Variants in KCNMB2 observed in about 807,000 individuals in gnomAD.
The protein encoded by KCNMB2 is potassium calcium-activated channel subfamily M regulatory beta subunit 2.
KCNMB2 carries 9 observed loss-of-function variants against 24.5 expected under a neutral mutation model. The observed-to-expected ratio is 0.37, with a 90% CI of 0.22 to 0.64. The LOEUF (loss-of-function observed/expected upper bound fraction) is 0.64, where lower values mean the gene tolerates loss of function less well. Ranked by LOEUF, KCNMB2 falls within the 30% of genes least tolerant of loss-of-function variation. KCNMB2 has a pLI of 0.63. For missense variants in KCNMB2, 226 were observed against 284.3 expected, an observed-to-expected ratio of 0.79 and a Z score of 1.47; for synonymous variants, 109 against 104.4, an observed-to-expected ratio of 1.04 and a Z score of -0.27.
chr3:178,680,810 G>A (rs778546207), intron 1 of KCNMB2, among the ~76,000 whole-genome samples: 16 of 152,142 alleles, frequency 1.1e-4, no homozygotes, highest in Non-Finnish European at 1.9e-4. Context: ...AGAAATTTTA[G>A]ACTTGGAGTC....
At chr3:178,729,691 T>C (rs1159736011) in intron 1 of KCNMB2, among the ~76,000 whole-genome samples, 1 of 152,204 alleles carries the variant, frequency 6.6e-6, no homozygotes, top group South Asian at 2.1e-4. Flanking sequence ...CCAGGCATAT[T>C]TTACACTTTG....
At chr3:178,709,376 C>T (rs1269120881) in intron 1 of KCNMB2, among the ~76,000 whole-genome samples, 1 of 152,176 alleles carries the variant, frequency 6.6e-6, no homozygotes, top group Non-Finnish European at 1.5e-5. Flanking sequence ...CTAGGGAAGT[C>T]TTGAATTAAA....
chr3:178,710,040 C>T (rs895463338), intron 1 of KCNMB2, among the ~76,000 whole-genome samples: 1 of 152,168 alleles, frequency 6.6e-6, no homozygotes, highest in African/African-American at 2.4e-5. Context: ...CTTCTCTGAA[C>T]TCTGAAGCTC....
chr3:178,685,471 G>A (rs1342311220), intron 1 of KCNMB2, among the ~76,000 whole-genome samples: 1 of 152,216 alleles, frequency 6.6e-6, no homozygotes, highest in Non-Finnish European at 1.5e-5. Context: ...ATGTTGGCCT[G>A]TGGGTGTTAG....
chr3:178,746,861 C>T (rs1239114617), intron 1 of KCNMB2: 2 of 152,494 alleles, frequency 1.3e-5, no homozygotes, highest in Non-Finnish European at 1.5e-5. Context: ...CCACCTCAGC[C>T]TGGACCTTAT....
At position 178,571,737 on chromosome 3, in the gene KCNMB2, C is replaced by T. The variant is rs111757164; in HGVS notation, c.-68+35026C>T. On this transcript the variant is annotated intron_variant, in intron 1 of 4. Transcript: ENST00000452583. ...TGTGATGTTGCCCTCCCTGTGTCCA[C>T]GTGTTTTCATTGTTCAACTCCCAAT... Among the ~76,000 whole-genome samples, 895 of 151,800 alleles carry T rather than the reference C, an allele frequency of 5.9e-3. 8 individuals are homozygous for T. Among genetic ancestry groups the T allele is most frequent in the African/African-American group, 0.02 (841 of 41,402 alleles).
At chr3:178,787,398 A>G (rs1422264776) in intron 1 of KCNMB2, among the ~76,000 whole-genome samples, 1 of 152,202 alleles carries the variant, frequency 6.6e-6, no homozygotes, top group East Asian at 1.9e-4. Context: ...CATATATGGT[A>G]TAAAATTATT....
intron 1 of KCNMB2, among the ~76,000 whole-genome samples, chr3:178,781,376 G>A (rs1331479348): frequency 1.3e-5 from 2 of 151,992 alleles, no homozygotes; most frequent in African/African-American, 4.8e-5. Flanking sequence ...TGGATTACCT[G>A]AGGTCAGGGG....
chr3:178,556,435 G>C (rs1160513824), intron 1 of KCNMB2, among the ~76,000 whole-genome samples: 2 of 152,112 alleles, frequency 1.3e-5, no homozygotes, highest in Non-Finnish European at 2.9e-5. Flanking sequence ...ATGGAGTTTT[G>C]CTCTTATTGA....
chr3:178,624,130 C>A (rs533625088), intron 1 of KCNMB2, among the ~76,000 whole-genome samples: 3 of 152,216 alleles, frequency 2.0e-5, no homozygotes, highest in Admixed American at 6.5e-5. Context: ...CTGAGCTGAG[C>A]AAATTGCCAC....
intron 1 of KCNMB2, among the ~76,000 whole-genome samples, chr3:178,719,896 G>T (rs1045718537): frequency 2.0e-5 from 3 of 151,972 alleles, no homozygotes; most frequent in African/African-American, 7.3e-5. Flanking sequence ...CCAGTACCTA[G>T]CCCCCGGCAA....
At chr3:178,591,294 G>A (rs1717662074) in intron 1 of KCNMB2, among the ~76,000 whole-genome samples, 1 of 152,204 alleles carries the variant, frequency 6.6e-6, no homozygotes, top group African/African-American at 2.4e-5. Context: ...CCAAAAGAAA[G>A]AGCTGACTGT....
Position 178,536,549 on chromosome 3 carries a change from T to C in KCNMB2, c.-230T>C, listed in dbSNP as rs968792949. On this transcript the variant is annotated 5_prime_UTR_variant, in exon 1 of 5. Transcript: ENST00000452583. ...TCTTTCAGACATTTTGAGCAGGGAG[T>C]ATTAAAGCTATGAGTTAGAAAGGGT... 57 of 152,068 alleles carry C rather than the reference T, an allele frequency of 3.7e-4. 1 individual carries two copies. The highest frequency in any genetic ancestry group is 1.3e-3 in the African/African-American group (54 of 41,390). 9.4% of individuals were successfully genotyped at this position (152,068 alleles called of 1,614,324 possible). A position where few individuals can be genotyped will look rare whatever the true frequency, so the allele number is the denominator to read the frequency against.
rs576877923 is a variant in KCNMB2, at chr3:178,723,915, T to G, written c.-67-83428T>G. ...GGGTGCCTAGGTTGAATCTATGTCT[T>G]TGCTATTGTGAATAGTGCCATGGTA... On this transcript the variant is annotated intron_variant, in intron 1 of 4. Coordinates refer to ENST00000452583, the MANE Select transcript of KCNMB2 (RefSeq NM_181361.3). 5.3e-5 allele frequency among the ~76,000 whole-genome samples: 8 copies of G among 152,322 alleles called. No homozygotes were observed. In the East Asian group the frequency reaches 7.7e-4, roughly 15 times the overall value.
intron 1 of KCNMB2, among the ~76,000 whole-genome samples, chr3:178,576,850 C>T (rs1717012669): frequency 6.6e-6 from 1 of 152,216 alleles, no homozygotes; most frequent in Non-Finnish European, 1.5e-5. Context: ...CAGACAGGGG[C>T]TTATACCTAA....
intron 1 of KCNMB2, among the ~76,000 whole-genome samples, chr3:178,757,343 CAAGAGGATATATATATATATATATATAT>C (rs1188351881): frequency 2.5e-4 from 13 of 51,416 alleles, no homozygotes; most frequent in Non-Finnish European, 4.2e-4. Context: ...TATATATATC[CAAGAGGATATATATATATATATATATAT>C]ATCCAAGAGG....
intron 1 of KCNMB2, among the ~76,000 whole-genome samples, chr3:178,588,571 C>T (rs1717543696): frequency 6.6e-6 from 1 of 152,080 alleles, no homozygotes; most frequent in Admixed American, 6.6e-5. Flanking sequence ...CAGACACACA[C>T]ATACATGCAT....
rs999454730 is a variant in KCNMB2, at chr3:178,699,361, C to A, written c.-67-107982C>A. On this transcript the variant is annotated intron_variant, in intron 1 of 4. Coordinates refer to ENST00000452583, the MANE Select transcript of KCNMB2 (RefSeq NM_181361.3). Reference sequence around the variant, plus strand: ...AGGGGAGTGGACTGCACTCTTGCATCCTGATGGGCAAAGTAATGCAAAACC... The same window carrying A: ...AGGGGAGTGGACTGCACTCTTGCATACTGATGGGCAAAGTAATGCAAAACC... 1.3e-5 allele frequency among the ~76,000 whole-genome samples: 2 copies of A among 152,198 alleles called. 1 individual carries two copies. Among genetic ancestry groups the A allele is most frequent in the African/African-American group, 4.8e-5 (2 of 41,442 alleles).
intron 1 of KCNMB2, among the ~76,000 whole-genome samples, chr3:178,776,285 T>C (rs1712575540): frequency 6.6e-6 from 1 of 152,130 alleles, no homozygotes; most frequent in African/African-American, 2.4e-5. Context: ...TTTTAATTCC[T>C]CCCTCCATCA....
Sources: gnomAD v4.1 joint callset for allele counts (sites outside exome capture counted in the v4.1 genomes callset) on GRCh38, gnomAD v4.1.1 for gene constraint, MANE v1.5 for transcripts, NCBI Gene and HGNC (gene_info 2026-07-23, HGNC 2026-07-21) for gene names.